The following SEMA3C variants were observed in gnomAD, a reference collection of about 807,000 sequenced individuals.
The protein encoded by SEMA3C is semaphorin-3C.
SEMA3C carries 47 observed loss-of-function variants against 89.4 expected under a neutral mutation model. The ratio of observed to expected loss-of-function variants is 0.53; its 90% CI spans 0.42 to 0.67. The LOEUF (loss-of-function observed/expected upper bound fraction) is 0.67. SEMA3C is among the 30% of genes least tolerant of loss of function. The probability of loss-of-function intolerance (pLI) is 0.00; values close to 1 mark genes in which losing one functional copy is unlikely to be tolerated. For missense variants in SEMA3C, 839 were observed against 929.1 expected (o/e 0.90, Z 1.26); for synonymous variants, 310 against 320.2 (o/e 0.97, Z 0.34).
intron 2 of SEMA3C, among the ~76,000 whole-genome samples, chr7:80,866,130 A>G (rs1208936751): frequency 6.6e-6 from 1 of 152,186 alleles, no homozygotes; most frequent in African/African-American, 2.4e-5. Flanking sequence ...GTTTTCAGAT[A>G]TGTGTTTTCA....
chr7:80,746,747 G>GT lies in SEMA3C; in HGVS notation c.1843-1441_1843-1440insA, dbSNP rs1554357889. On this transcript the variant is annotated intron_variant, in intron 17 of 17. Transcript: ENST00000265361. Reference sequence around the variant, plus strand: ...TGTGTGTGTGTGTGTGTGTGTGTGTGGAGGGGAGGAAAACTATAGAACATA... The same window carrying GT: ...TGTGTGTGTGTGTGTGTGTGTGTGTGTGAGGGGAGGAAAACTATAGAACATA... Among the ~76,000 whole-genome samples, 16 of 150,738 alleles carry GT rather than the reference G, an allele frequency of 1.1e-4. No individual in the cohort carries two copies. In the South Asian group the frequency reaches 1.3e-3, roughly 12 times the overall value.
chr7:80,907,795 T>A (rs893394998), intron 2 of SEMA3C, among the ~76,000 whole-genome samples: 1 of 151,856 alleles, frequency 6.6e-6, no homozygotes, highest in Admixed American at 6.6e-5. Context: ...AGTCATAAGG[T>A]TTTTCTTCTG....
chr7:80,859,113 A>C (rs561670127), intron 2 of SEMA3C, among the ~76,000 whole-genome samples: 1 of 152,144 alleles, frequency 6.6e-6, no homozygotes, highest in African/African-American at 2.4e-5. Flanking sequence ...CCAAAAAAAA[A>C]TAAAGTGGTG....
chr7:80,919,763 A>G (rs1424275061), upstream of SEMA3C, among the ~76,000 whole-genome samples: 1 of 151,536 alleles, frequency 6.6e-6, no homozygotes. Flanking sequence ...TAATTTTTGT[A>G]TTTTTAGTAG....
chr7:80,765,004 T>G, intron 13 of SEMA3C, 151 bp downstream of exon 13: 3 of 523,594 alleles, frequency 5.7e-6, no homozygotes, highest in Non-Finnish European at 1.0e-5. Flanking sequence ...TCTGTATTTC[T>G]TATTTTATCT....
At chr7:80,865,714 G>A (rs1790910318) in intron 2 of SEMA3C, among the ~76,000 whole-genome samples, 1 of 152,136 alleles carries the variant, frequency 6.6e-6, no homozygotes, top group South Asian at 2.1e-4. Context: ...AGAATCACTT[G>A]AACCCGGGAG....
At chr7:80,805,373 T>C (rs1030553995) in intron 7 of SEMA3C, among the ~76,000 whole-genome samples, 3 of 152,114 alleles carry the variant, frequency 2.0e-5, no homozygotes, top group Admixed American at 2.0e-4. Context: ...TACTGAAATA[T>C]AAATTATCAC....
intron 2 of SEMA3C, among the ~76,000 whole-genome samples, chr7:80,887,724 T>C (rs547268256): frequency 6.6e-6 from 1 of 152,298 alleles, no homozygotes; most frequent in Non-Finnish European, 1.5e-5. Flanking sequence ...GTAAAAAGCA[T>C]AACTAAGATT....
At chr7:80,750,667 A>C (rs1213631426) in intron 16 of SEMA3C, among the ~76,000 whole-genome samples, 1 of 151,762 alleles carries the variant, frequency 6.6e-6, no homozygotes, top group African/African-American at 2.4e-5. Context: ...TTCCACCTAT[A>C]TGAGGTATCT....
chr7:80,747,133 T>C (rs1456800384), intron 17 of SEMA3C, among the ~76,000 whole-genome samples: 1 of 152,128 alleles, frequency 6.6e-6, no homozygotes, highest in Non-Finnish European at 1.5e-5. Flanking sequence ...CAGACTTTCA[T>C]ACTTGTGTTA....
At chr7:80,889,724 C>A (rs1791568233) in intron 2 of SEMA3C, among the ~76,000 whole-genome samples, 1 of 151,892 alleles carries the variant, frequency 6.6e-6, no homozygotes, top group African/African-American at 2.4e-5. Context: ...GATGACACAT[C>A]ATATATTGTA....
intron 2 of SEMA3C, among the ~76,000 whole-genome samples, chr7:80,832,231 TGGTG>T (rs1234301230): frequency 2.0e-5 from 3 of 152,190 alleles, no homozygotes; most frequent in Admixed American, 6.5e-5. Context: ...AGTACTCAAC[TGGTG>T]TCACAGTTCT....
chr7:80,911,089 G>C (rs182797953), intron 2 of SEMA3C, among the ~76,000 whole-genome samples: 1 of 152,084 alleles, frequency 6.6e-6, no homozygotes, highest in African/African-American at 2.4e-5. Flanking sequence ...ATAAATTAAA[G>C]GGGGAATTTG....
chr7:80,901,157 A>T (rs143274432), intron 2 of SEMA3C, among the ~76,000 whole-genome samples: 338 of 152,342 alleles, frequency 2.2e-3, no homozygotes, highest in African/African-American at 7.6e-3. Context: ...ATTATAACAA[A>T]GTCAAATAAT....
Position 80,743,588 on chromosome 7 carries a change from T to C in SEMA3C, c.*1306A>G, listed in dbSNP as rs1787730465. On this transcript the variant is annotated 3_prime_UTR_variant, in exon 18 of 18. Transcript: ENST00000265361. ...AAAATATATATGAGAGCATGAATAATTTTTTTCACATTTTTCCATCTAATT... is the reference window on the plus strand; with the variant it reads ...AAAATATATATGAGAGCATGAATAACTTTTTTCACATTTTTCCATCTAATT... The C allele has an allele frequency of 6.6e-6, 1 of 151,880 alleles. No individual in the cohort carries two copies. The highest frequency in any genetic ancestry group is 2.4e-5 in the African/African-American group (1 of 41,416). The allele number at this position is 151,880 out of a possible 1,614,324, so 9.4% of individuals were successfully genotyped here. A position where few individuals can be genotyped will look rare whatever the true frequency, so the allele number is the denominator to read the frequency against.
intron 17 of SEMA3C, among the ~76,000 whole-genome samples, chr7:80,746,118 C>A (rs2117021660): frequency 6.6e-6 from 1 of 152,150 alleles, no homozygotes; most frequent in Admixed American, 6.5e-5. Flanking sequence ...GACATGTATA[C>A]TCTAGAATAC....
chr7:80,789,290 G>A lies in SEMA3C; in HGVS notation c.1354+16C>T, dbSNP rs754728732. 6.3e-7 allele frequency: 1 copy of A among 1,598,596 alleles called. No homozygotes were observed. Among genetic ancestry groups the A allele is most frequent in the South Asian group, 1.1e-5 (1 of 90,140 alleles). On this transcript the variant is annotated intron_variant, in intron 12 of 17. Coordinates refer to ENST00000265361, the MANE Select transcript of SEMA3C (RefSeq NM_006379.5). ...TTTACTACACATTAAAGCATATCTT[G>A]GGCTCAAATATTTACCTGTTCCGAG...
At chr7:80,830,079 C>T (rs1789975784) in intron 2 of SEMA3C, among the ~76,000 whole-genome samples, 1 of 152,130 alleles carries the variant, frequency 6.6e-6, no homozygotes, top group Non-Finnish European at 1.5e-5. Context: ...TGAGAAGATA[C>T]AGAAGTCACA....
intron 2 of SEMA3C, among the ~76,000 whole-genome samples, chr7:80,863,866 A>T (rs1216992863): frequency 6.8e-6 from 1 of 147,018 alleles, no homozygotes; most frequent in African/African-American, 2.5e-5. Flanking sequence ...CATATGTATC[A>T]CATATATATG....
Sources: allele counts gnomAD v4.1 joint callset (sites outside exome capture counted in the v4.1 genomes callset), GRCh38; gene constraint gnomAD v4.1.1; transcripts MANE v1.5; gene names NCBI Gene and HGNC (gene_info 2026-07-23, HGNC 2026-07-21).